BRINP3: variants seen among roughly 807,000 people sequenced by gnomAD.
BRINP3 encodes BMP/retinoic acid-inducible neural-specific protein 3.
Under a neutral mutation model 71.0 loss-of-function variants are expected in BRINP3, and 19 were observed. The observed-to-expected ratio is 0.27, with a 90% confidence interval of 0.19 to 0.39. The LOEUF is 0.39. BRINP3 is among the 10% of genes least tolerant of loss of function. BRINP3 has a pLI of 1.00. For synonymous variants in BRINP3, 380 were observed against 337.7 expected, an observed-to-expected ratio of 1.13 and a Z score of -1.37; for missense variants, 959 against 940.8, an observed-to-expected ratio of 1.02 and a Z score of -0.25.
intron 2 of BRINP3, among the ~76,000 whole-genome samples, chr1:190,403,858 G>A (rs1481030204): frequency 3.3e-5 from 5 of 152,048 alleles, no homozygotes; most frequent in Non-Finnish European, 1.5e-5. Flanking sequence ...TCAAACAATT[G>A]GACAAATGTT....
At chr1:190,325,004 A>T (rs2103061877) in intron 2 of BRINP3, among the ~76,000 whole-genome samples, 1 of 152,084 alleles carries the variant, frequency 6.6e-6, no homozygotes, top group South Asian at 2.1e-4. Flanking sequence ...ACCTTAATAA[A>T]TTTATATTTC....
At chr1:190,423,191 A>C (rs1194883219) in intron 2 of BRINP3, among the ~76,000 whole-genome samples, 1 of 151,752 alleles carries the variant, frequency 6.6e-6, no homozygotes, top group East Asian at 1.9e-4. Context: ...GAAGGCATTA[A>C]AGCACCAAAT....
chr1:190,117,367 T>TGA, intron 7 of BRINP3, among the ~76,000 whole-genome samples: 1 of 152,164 alleles, frequency 6.6e-6, no homozygotes, highest in African/African-American at 2.4e-5. Context: ...AAGGAGCCTA[T>TGA]ATTCAATCTT....
intron 7 of BRINP3, among the ~76,000 whole-genome samples, chr1:190,108,838 A>G (rs1184009910): frequency 6.6e-6 from 1 of 151,976 alleles, no homozygotes; most frequent in Non-Finnish European, 1.5e-5. Flanking sequence ...GATATCAGCA[A>G]TCACGCAAAT....
intron 2 of BRINP3, among the ~76,000 whole-genome samples, chr1:190,337,431 T>C (rs1667362652): frequency 6.6e-6 from 1 of 152,018 alleles, no homozygotes; most frequent in African/African-American, 2.4e-5. Flanking sequence ...AGACCCACCC[T>C]CAATTTGGGT....
At chr1:190,358,903 T>C (rs1020234866) in intron 2 of BRINP3, among the ~76,000 whole-genome samples, 7 of 151,956 alleles carry the variant, frequency 4.6e-5, no homozygotes, top group African/African-American at 1.7e-4. Flanking sequence ...CAGCAAACTA[T>C]CACAGGGACA....
At chr1:190,404,601 C>T (rs1461307800) in intron 2 of BRINP3, among the ~76,000 whole-genome samples, 2 of 152,176 alleles carry the variant, frequency 1.3e-5, no homozygotes, top group African/African-American at 2.4e-5. Flanking sequence ...CATTACCTTA[C>T]ATTTGCAAAG....
intron 6 of BRINP3, among the ~76,000 whole-genome samples, chr1:190,211,679 GAA>G (rs1052781001): frequency 6.6e-6 from 1 of 152,058 alleles, no homozygotes; most frequent in Non-Finnish European, 1.5e-5. Context: ...TCTAAACAGA[GAA>G]AAAACATCAG....
At chr1:190,296,935 T>C (rs1664296602) in intron 2 of BRINP3, among the ~76,000 whole-genome samples, 1 of 152,080 alleles carries the variant, frequency 6.6e-6, no homozygotes, top group African/African-American at 2.4e-5. Context: ...TTATCCAATG[T>C]TTATGGATTA....
intron 7 of BRINP3, among the ~76,000 whole-genome samples, chr1:190,108,540 A>G (rs1284459825): frequency 6.6e-6 from 1 of 150,950 alleles, no homozygotes; most frequent in Non-Finnish European, 1.5e-5. Flanking sequence ...ATTTAATATG[A>G]CATTATGTTT....
intron 6 of BRINP3, among the ~76,000 whole-genome samples, chr1:190,186,327 A>G (rs1026489053): frequency 5.3e-5 from 8 of 152,154 alleles, no homozygotes; most frequent in African/African-American, 1.9e-4. Context: ...AGATGGCACC[A>G]CTGCACTCCA....
At chr1:190,382,485 A>G (rs1670609009) in intron 2 of BRINP3, among the ~76,000 whole-genome samples, 1 of 152,172 alleles carries the variant, frequency 6.6e-6, no homozygotes, top group Non-Finnish European at 1.5e-5. Flanking sequence ...CGAAGTATAA[A>G]TTTTTGCAAA....
At chr1:190,420,124 C>T (rs993027757) in intron 2 of BRINP3, among the ~76,000 whole-genome samples, 8 of 151,926 alleles carry the variant, frequency 5.3e-5, no homozygotes, top group African/African-American at 1.4e-4. Context: ...CAAGAAGGAG[C>T]GTGTATTAGT....
intron 7 of BRINP3, among the ~76,000 whole-genome samples, chr1:190,118,054 A>G (rs1436017352): frequency 1.3e-5 from 2 of 151,916 alleles, no homozygotes; most frequent in African/African-American, 4.8e-5. Context: ...TTTTGGGCAA[A>G]GGGTACAAAT....
chr1:190,317,919 G>A (rs1435034899), intron 2 of BRINP3, among the ~76,000 whole-genome samples: 2 of 152,030 alleles, frequency 1.3e-5, no homozygotes, highest in East Asian at 3.9e-4. Context: ...TCTGTTACAT[G>A]TTGATTTTCC....
chr1:190,131,903 A>T (rs1654574846), intron 7 of BRINP3, among the ~76,000 whole-genome samples: 1 of 152,056 alleles, frequency 6.6e-6, no homozygotes. Context: ...AAATATATGG[A>T]TATAATAGTA....
chr1:190,428,715 A>G (rs1192381504), intron 2 of BRINP3, among the ~76,000 whole-genome samples: 1 of 152,084 alleles, frequency 6.6e-6, no homozygotes, highest in Admixed American at 6.6e-5. Context: ...TACATATCCT[A>G]CTTACCTTGA....
intron 3 of BRINP3, among the ~76,000 whole-genome samples, chr1:190,269,038 G>A (rs1661886099): frequency 6.6e-6 from 1 of 152,074 alleles, no homozygotes; most frequent in Non-Finnish European, 1.5e-5. Flanking sequence ...AGGCAAGAAT[G>A]AGAACATCTT....
intron 2 of BRINP3, among the ~76,000 whole-genome samples, chr1:190,312,036 A>AATATATATATATAT (rs1180367434): frequency 2.6e-4 from 18 of 68,306 alleles, no homozygotes; most frequent in East Asian, 5.8e-4. Context: ...TGAAAAGTCA[A>AATATATATATATAT]ATATATATAT....
Sources: gnomAD v4.1 joint callset for allele counts (sites outside exome capture counted in the v4.1 genomes callset) on GRCh38, gnomAD v4.1.1 for gene constraint, MANE v1.5 for transcripts, NCBI Gene and HGNC (gene_info 2026-07-23, HGNC 2026-07-21) for gene names.